The following KCNQ3 variants were observed in gnomAD, a reference collection of about 807,000 sequenced individuals.
KCNQ3 encodes potassium voltage-gated channel subfamily Q member 3, also known as potassium voltage-gated channel subfamily KQT member 3.
In KCNQ3, 30 loss-of-function variants were observed where a neutral mutation model predicts 92.5. That is an observed-to-expected ratio of 0.32 (90% CI 0.24 to 0.44). KCNQ3 has a LOEUF of 0.44. Ranked by LOEUF, KCNQ3 falls within the 20% of genes least tolerant of loss-of-function variation. The probability of loss-of-function intolerance (pLI) is 1.00; values close to 1 mark genes in which losing one functional copy is unlikely to be tolerated. For synonymous variants in KCNQ3, 450 were observed against 468.8 expected, an observed-to-expected ratio of 0.96 and a Z score of 0.52; for missense variants, 913 against 1,140.3, an observed-to-expected ratio of 0.80 and a Z score of 2.87.
chr8:132,461,478 T>C (rs1344397950), intron 1 of KCNQ3, among the ~76,000 whole-genome samples: 1 of 152,140 alleles, frequency 6.6e-6, no homozygotes, highest in African/African-American at 2.4e-5. Flanking sequence ...GGCAGGAGAA[T>C]TGCTTGAACC....
intron 1 of KCNQ3, among the ~76,000 whole-genome samples, chr8:132,341,593 A>G (rs1468772951): frequency 6.6e-6 from 1 of 152,232 alleles, no homozygotes; most frequent in Non-Finnish European, 1.5e-5. Context: ...AAATAAGTGA[A>G]TAACTGAATA....
chr8:132,212,523 G>A (rs563150013), intron 1 of KCNQ3, among the ~76,000 whole-genome samples: 1 of 151,734 alleles, frequency 6.6e-6, no homozygotes, highest in Non-Finnish European at 1.5e-5. Context: ...TTACCATCCC[G>A]ATCATTCTCT....
At chr8:132,144,887 C>T (rs1259860268) in intron 9 of KCNQ3, among the ~76,000 whole-genome samples, 2 of 152,200 alleles carry the variant, frequency 1.3e-5, no homozygotes, top group Non-Finnish European at 2.9e-5. Context: ...CTCTGTGCCC[C>T]TAGTCCACTT....
intron 1 of KCNQ3, among the ~76,000 whole-genome samples, chr8:132,339,149 T>C (rs1467955245): frequency 6.6e-6 from 1 of 152,122 alleles, no homozygotes; most frequent in East Asian, 1.9e-4. Context: ...GTCAATCTAT[T>C]CCCCTCTCTA....
chr8:132,287,572 A>G (rs902635964), intron 1 of KCNQ3, among the ~76,000 whole-genome samples: 3 of 152,244 alleles, frequency 2.0e-5, no homozygotes, highest in Non-Finnish European at 2.9e-5. Flanking sequence ...CAGATAATGG[A>G]ATATTACTCA....
At chr8:132,140,227 G>A (rs572708660) in intron 10 of KCNQ3, 49 bp from the exon 11 acceptor site, 2 of 1,410,340 alleles carry the variant, frequency 1.4e-6, no homozygotes, top group East Asian at 2.3e-5. Flanking sequence ...CCTGGAAAAG[G>A]CTTGGGGACC....
intron 1 of KCNQ3, among the ~76,000 whole-genome samples, chr8:132,213,279 T>C (rs904325128): frequency 3.9e-5 from 6 of 152,158 alleles, no homozygotes; most frequent in East Asian, 3.9e-4. Context: ...GACAGTTTGA[T>C]AGTCCCACCA....
At chr8:132,338,147 T>C (rs1325998645) in intron 1 of KCNQ3, among the ~76,000 whole-genome samples, 2 of 152,142 alleles carry the variant, frequency 1.3e-5, no homozygotes, top group Non-Finnish European at 2.9e-5. Context: ...GGGAAGCACT[T>C]TGTAGATATC....
At chr8:132,189,506 G>A (rs1827091969) in intron 1 of KCNQ3, among the ~76,000 whole-genome samples, 1 of 152,128 alleles carries the variant, frequency 6.6e-6, no homozygotes, top group Non-Finnish European at 1.5e-5. Flanking sequence ...TAAAACATGA[G>A]ACTGCTAAAC....
At chr8:132,358,327 A>G (rs1395027010) in intron 1 of KCNQ3, among the ~76,000 whole-genome samples, 1 of 152,312 alleles carries the variant, frequency 6.6e-6, no homozygotes, top group East Asian at 1.9e-4. Flanking sequence ...CTGAGGCCTA[A>G]TGGGTTTGAG....
chr8:132,206,091 G>T (rs1415662010), intron 1 of KCNQ3, among the ~76,000 whole-genome samples: 1 of 152,156 alleles, frequency 6.6e-6, no homozygotes, highest in Non-Finnish European at 1.5e-5. Context: ...GTAGATACAG[G>T]CATTTTCTCG....
intron 1 of KCNQ3, among the ~76,000 whole-genome samples, chr8:132,379,201 T>C (rs1216309017): frequency 1.3e-5 from 2 of 152,244 alleles, no homozygotes; most frequent in African/African-American, 4.8e-5. Context: ...ATAATTAATG[T>C]CTATGAAAGA....
intron 1 of KCNQ3, among the ~76,000 whole-genome samples, chr8:132,284,310 T>C (rs879920196): frequency 2.0e-5 from 3 of 152,152 alleles, no homozygotes; most frequent in Non-Finnish European, 4.4e-5. Flanking sequence ...AAATATACCT[T>C]GTACTATTAA....
At chr8:132,279,791 T>C (rs1479076217) in intron 1 of KCNQ3, among the ~76,000 whole-genome samples, 2 of 152,136 alleles carry the variant, frequency 1.3e-5, no homozygotes, top group East Asian at 1.9e-4. Flanking sequence ...CATCAACACA[T>C]ACTTATGTGC....
intron 1 of KCNQ3, among the ~76,000 whole-genome samples, chr8:132,402,880 G>A (rs2130786019): frequency 6.6e-6 from 1 of 151,804 alleles, no homozygotes; most frequent in East Asian, 1.9e-4. Context: ...GCCGGGGCGT[G>A]GCAGTGCATG....
chr8:132,454,257 G>T (rs1821890221), intron 1 of KCNQ3, among the ~76,000 whole-genome samples: 1 of 152,078 alleles, frequency 6.6e-6, no homozygotes, highest in Non-Finnish European at 1.5e-5. Context: ...TTCCATCCCA[G>T]CTTCACAGCC....
chr8:132,462,550 C>T (rs946792333), intron 1 of KCNQ3, among the ~76,000 whole-genome samples: 1 of 152,166 alleles, frequency 6.6e-6, no homozygotes, highest in Non-Finnish European at 1.5e-5. Flanking sequence ...CAATTTTTTA[C>T]AAATGACAAG....
intron 1 of KCNQ3, among the ~76,000 whole-genome samples, chr8:132,273,745 C>T (rs988332716): frequency 1.3e-5 from 2 of 152,178 alleles, no homozygotes; most frequent in African/African-American, 4.8e-5. Context: ...TTGCTGCTTA[C>T]AAATTTCTTC....
intron 1 of KCNQ3, among the ~76,000 whole-genome samples, chr8:132,318,001 C>A (rs1308033833): frequency 6.6e-6 from 1 of 152,152 alleles, no homozygotes; most frequent in African/African-American, 2.4e-5. Context: ...ACAGCCAGTC[C>A]CAGTAAAGCA....
Sources: gnomAD v4.1 joint callset for allele counts (sites outside exome capture counted in the v4.1 genomes callset) on GRCh38, gnomAD v4.1.1 for gene constraint, MANE v1.5 for transcripts, NCBI Gene and HGNC (gene_info 2026-07-23, HGNC 2026-07-21) for gene names.